The following TBC1D8 variants were observed in gnomAD, a reference collection of about 807,000 sequenced individuals.
The protein encoded by TBC1D8 is TBC1 domain family member 8, also known as BUB2-like protein 1.
In TBC1D8, 65 loss-of-function variants were observed where a neutral mutation model predicts 118.8. The ratio of observed to expected loss-of-function variants is 0.55; its 90% CI spans 0.45 to 0.67. The LOEUF (loss-of-function observed/expected upper bound fraction) is 0.67. TBC1D8 is among the 30% of genes least tolerant of loss of function. The pLI is 0.00. For synonymous variants in TBC1D8, 566 were observed against 595.8 expected (o/e 0.95, Z 0.73); for missense variants, 1,376 against 1,471.2 (o/e 0.94, Z 1.06).
At chr2:101,075,406 AT>A (rs1449975144) in intron 2 of TBC1D8, among the ~76,000 whole-genome samples, 7 of 149,750 alleles carry the variant, frequency 4.7e-5, no homozygotes, top group South Asian at 2.1e-4. Flanking sequence ...AAAAAAAAAA[AT>A]GTCATAGAAG....
chr2:101,091,053 C>A (rs757609719), intron 1 of TBC1D8, among the ~76,000 whole-genome samples: 5 of 151,980 alleles, frequency 3.3e-5, no homozygotes, highest in African/African-American at 4.8e-5. Flanking sequence ...GAGGCCAAGG[C>A]GGGAGGATCA....
chr2:101,072,669 T>C (rs1198473411), intron 2 of TBC1D8, among the ~76,000 whole-genome samples: 1 of 152,082 alleles, frequency 6.6e-6, no homozygotes, highest in Non-Finnish European at 1.5e-5. Context: ...CAGTTCACAA[T>C]AGGGGGTCAC....
At chr2:101,147,411 A>G (rs1679364164) in intron 1 of TBC1D8, among the ~76,000 whole-genome samples, 1 of 152,198 alleles carries the variant, frequency 6.6e-6, no homozygotes, top group South Asian at 2.1e-4. Flanking sequence ...CATAGTGGCA[A>G]TATTAACTTA....
Position 101,151,145 on chromosome 2 carries a change from C to G in TBC1D8, c.109G>C (p.Gly37Arg), listed in dbSNP as rs1168151250. 5.0e-6 allele frequency: 6 copies of G among 1,193,914 alleles called. No homozygotes were observed. Among genetic ancestry groups the G allele is most frequent in the Non-Finnish European group, 6.4e-6 (6 of 939,234 alleles). The allele number at this position is 1,193,914 out of a possible 1,614,324, so 74.0% of individuals were successfully genotyped here. A position where few individuals can be genotyped will look rare whatever the true frequency, so the allele number is the denominator to read the frequency against. Reference protein sequence around the residue: ...ILQRRRGHGEGGGRLTGRLVG... With the variant: ...ILQRRRGHGERGGRLTGRLVG... ...CCCTTACCGGTGAGGCGGCCGCCCC[C>G]CTCGCCGTGCCCGCGGCGCCGCTGC... Residue 37 changes from glycine (G) to arginine (R), a missense_variant, in exon 1 of 20, where the codon GGG (glycine) becomes CGG (arginine). Transcript: ENST00000409318.
At chr2:101,071,068 G>A (rs573402811) in intron 2 of TBC1D8, among the ~76,000 whole-genome samples, 11 of 152,116 alleles carry the variant, frequency 7.2e-5, no homozygotes, top group Non-Finnish European at 1.3e-4. Context: ...GGCCAGGCAC[G>A]ATGGCTCATG....
At chr2:101,082,847 A>G (rs946934452) in intron 2 of TBC1D8, among the ~76,000 whole-genome samples, 4 of 127,214 alleles carry the variant, frequency 3.1e-5, no homozygotes, top group Non-Finnish European at 6.9e-5. Flanking sequence ...CTGGAGATGG[A>G]TGGTGGTGAT....
intron 1 of TBC1D8, among the ~76,000 whole-genome samples, chr2:101,108,559 A>G (rs1677373888): frequency 6.6e-6 from 1 of 152,110 alleles, no homozygotes; most frequent in Non-Finnish European, 1.5e-5. Context: ...TGCCCTTTCC[A>G]GCTTCTGAGA....
chr2:101,063,255 C>G (rs1440670029), intron 2 of TBC1D8, among the ~76,000 whole-genome samples: 1 of 152,088 alleles, frequency 6.6e-6, no homozygotes, highest in African/African-American at 2.4e-5. Context: ...AGATTTGAGA[C>G]AAAGTCATCA....
At chr2:101,088,238 T>C (rs1675765347) in intron 2 of TBC1D8, among the ~76,000 whole-genome samples, 1 of 152,152 alleles carries the variant, frequency 6.6e-6, no homozygotes, top group African/African-American at 2.4e-5. Context: ...GGGAGATAGA[T>C]ACCTTCTTTG....
At chr2:101,113,532 C>T (rs1174653325) in intron 1 of TBC1D8, among the ~76,000 whole-genome samples, 3 of 152,174 alleles carry the variant, frequency 2.0e-5, no homozygotes, top group Non-Finnish European at 4.4e-5. Context: ...ATCAGTTTCC[C>T]AGCCAGATTT....
intron 2 of TBC1D8, among the ~76,000 whole-genome samples, chr2:101,078,416 A>G (rs994897854): frequency 6.6e-6 from 1 of 152,198 alleles, no homozygotes; most frequent in African/African-American, 2.4e-5. Context: ...GAAGCCTAAG[A>G]ATGGACTGAG....
rs1433083550 is a variant in TBC1D8, at chr2:101,040,627, G to A, written c.873-242C>T. Among the ~76,000 whole-genome samples, 6 of 152,166 alleles carry A rather than the reference G, an allele frequency of 3.9e-5. No individual in the cohort carries two copies. In the East Asian group the frequency reaches 7.7e-4, roughly 20 times the overall value. Reference sequence around the variant, plus strand: ...TGGGATTACAGGGACGCGCCACCGCGCCCGGCTAATTTTTGTATTTATAGT... The same window carrying A: ...TGGGATTACAGGGACGCGCCACCGCACCCGGCTAATTTTTGTATTTATAGT... On this transcript the variant is annotated intron_variant, in intron 5 of 19. Transcript: ENST00000409318.
intron 1 of TBC1D8, among the ~76,000 whole-genome samples, chr2:101,105,353 A>T (rs901577686): frequency 6.6e-6 from 1 of 152,162 alleles, no homozygotes; most frequent in African/African-American, 2.4e-5. Context: ...ACCACAGAAG[A>T]TATACAGATG....
At chr2:101,025,958 A>T in intron 15 of TBC1D8, among the ~76,000 whole-genome samples, 1 of 152,254 alleles carries the variant, frequency 6.6e-6, no homozygotes, top group East Asian at 1.9e-4. Context: ...TAACAATAAA[A>T]ATAAATTTCC....
intron 2 of TBC1D8, among the ~76,000 whole-genome samples, chr2:101,086,449 C>T (rs1675636607): frequency 6.6e-6 from 1 of 152,080 alleles, no homozygotes; most frequent in Admixed American, 6.6e-5. Context: ...CAACAGTATA[C>T]TATGTTCCAA....
chr2:101,088,883 T>C lies in TBC1D8; in HGVS notation c.283+1326A>G, dbSNP rs76444744. On this transcript the variant is annotated intron_variant, in intron 2 of 19. Transcript: ENST00000409318. ...CACCATTCCCAGCCTGATTTCTTTC[T>C]ACCGAGCATGCATCATCTTTGTCAT... Among the ~76,000 whole-genome samples the C allele has an allele frequency of 8.1e-3, 1,239 of 152,270 alleles. 11 individuals are homozygous for C. The highest frequency in any genetic ancestry group is 0.014 in the Non-Finnish European group (943 of 68,020).
At chr2:101,088,165 A>G (rs1048627787) in intron 2 of TBC1D8, among the ~76,000 whole-genome samples, 79 of 152,204 alleles carry the variant, frequency 5.2e-4, no homozygotes, top group African/African-American at 1.9e-3. Context: ...AATGTCTTAG[A>G]AAGTTATCTG....
chr2:101,035,012 G>A (rs1680914679), intron 9 of TBC1D8, among the ~76,000 whole-genome samples: 1 of 152,090 alleles, frequency 6.6e-6, no homozygotes, highest in Non-Finnish European at 1.5e-5. Flanking sequence ...GCAGGAGGTT[G>A]GGGGCTGGGG....
At chr2:101,021,858 A>G (rs1211309728) in intron 16 of TBC1D8, 112 bp from the exon 17 acceptor site, 3 of 703,818 alleles carry the variant, frequency 4.3e-6, no homozygotes, top group African/African-American at 1.8e-5. Context: ...GCCACCCCCA[A>G]CTCTCCTGCC....
Sources: allele counts gnomAD v4.1 joint callset (sites outside exome capture counted in the v4.1 genomes callset), GRCh38; gene constraint gnomAD v4.1.1; transcripts MANE v1.5; gene names NCBI Gene and HGNC (gene_info 2026-07-23, HGNC 2026-07-21).